Variants in RGS7 observed in about 807,000 individuals in gnomAD.
RGS7 encodes the protein regulator of G-protein signaling 7.
RGS7 carries 27 observed loss-of-function variants against 81.1 expected under a neutral mutation model. The ratio of observed to expected loss-of-function variants is 0.33; its 90% CI spans 0.25 to 0.46. The LOEUF (loss-of-function observed/expected upper bound fraction) is 0.46, where lower values mean the gene tolerates loss of function less well. Ranked by LOEUF, RGS7 falls within the 20% of genes least tolerant of loss-of-function variation. RGS7 has a pLI of 1.00. For synonymous variants in RGS7, 208 were observed against 207.7 expected, an observed-to-expected ratio of 1.00 and a Z score of -0.01; for missense variants, 396 against 607.4, an observed-to-expected ratio of 0.65 and a Z score of 3.66.
rs115628880 is a variant in RGS7 at position 241,150,074 on chromosome 1, T to C, written c.79-51312A>G. ...TAAGAATCATACAACCTGTCCTCCCTGTACCTGGGGCATACACAGACCAAG... is the reference window on the plus strand; with the variant it reads ...TAAGAATCATACAACCTGTCCTCCCCGTACCTGGGGCATACACAGACCAAG... On this transcript the variant is annotated intron_variant, in intron 2 of 18. Transcript: ENST00000440928. Among the ~76,000 whole-genome samples, 815 of 152,270 alleles carry C rather than the reference T, an allele frequency of 5.4e-3. 11 individuals carry two copies. Among genetic ancestry groups the C allele is most frequent in the African/African-American group, 0.019 (787 of 41,552 alleles).
At chr1:240,924,396 G>A (rs1373931581) in intron 6 of RGS7, among the ~76,000 whole-genome samples, 2 of 152,142 alleles carry the variant, frequency 1.3e-5, no homozygotes, top group African/African-American at 4.8e-5. Context: ...CTGGAGAAAA[G>A]ACAGGCCTTC....
intron 4 of RGS7, among the ~76,000 whole-genome samples, chr1:240,968,432 G>A (rs1228020844): frequency 6.6e-6 from 1 of 152,108 alleles, no homozygotes; most frequent in Non-Finnish European, 1.5e-5. Context: ...TCAACATGGT[G>A]CGTATAATGT....
At chr1:241,149,394 T>C (rs534297485) in intron 2 of RGS7, among the ~76,000 whole-genome samples, 1 of 152,156 alleles carries the variant, frequency 6.6e-6, no homozygotes, top group Non-Finnish European at 1.5e-5. Flanking sequence ...TGAGCTCAGG[T>C]GATCTACCCA....
chr1:241,176,684 T>A (rs148397189), intron 2 of RGS7, among the ~76,000 whole-genome samples: 86 of 152,230 alleles, frequency 5.6e-4, no homozygotes, highest in African/African-American at 2.0e-3. Flanking sequence ...GTCACCCCCA[T>A]TACAGGAAAT....
intron 9 of RGS7, among the ~76,000 whole-genome samples, chr1:240,832,805 T>C (rs1197943109): frequency 1.3e-5 from 2 of 152,118 alleles, no homozygotes; most frequent in East Asian, 1.9e-4. Context: ...ATAGAGCTGA[T>C]AGCAAGACAT....
chr1:240,917,097 G>T (rs1342153750), intron 6 of RGS7, among the ~76,000 whole-genome samples: 1 of 152,090 alleles, frequency 6.6e-6, no homozygotes. Context: ...AGAAGAGAGT[G>T]GGGTGATAGA....
chr1:241,218,457 C>G (rs2074702762), intron 2 of RGS7, among the ~76,000 whole-genome samples: 1 of 152,160 alleles, frequency 6.6e-6, no homozygotes, highest in Non-Finnish European at 1.5e-5. Context: ...GTGTGTTCAG[C>G]TAAACACTCA....
At chr1:241,016,315 C>G (rs1318591856) in intron 3 of RGS7, among the ~76,000 whole-genome samples, 2 of 152,090 alleles carry the variant, frequency 1.3e-5, no homozygotes, top group Non-Finnish European at 2.9e-5. Flanking sequence ...GTCAAGAGAA[C>G]AAGACCATCC....
At chr1:240,976,745 A>G (rs1485786281) in intron 4 of RGS7, among the ~76,000 whole-genome samples, 2 of 148,222 alleles carry the variant, frequency 1.3e-5, no homozygotes, top group Non-Finnish European at 3.0e-5. Flanking sequence ...CTATCTATCT[A>G]TCTATCTATC....
At chr1:241,232,790 T>C (rs2075739875) in intron 2 of RGS7, among the ~76,000 whole-genome samples, 1 of 152,198 alleles carries the variant, frequency 6.6e-6, no homozygotes, top group South Asian at 2.1e-4. Flanking sequence ...ACACGTAATG[T>C]CTCTCCATTT....
intron 2 of RGS7, among the ~76,000 whole-genome samples, chr1:241,122,344 A>G (rs2066340633): frequency 6.6e-6 from 1 of 152,192 alleles, no homozygotes; most frequent in African/African-American, 2.4e-5. Context: ...ATAAGTTGAA[A>G]ATATTGTAAG....
chr1:240,991,021 T>C (rs565096610), intron 3 of RGS7, among the ~76,000 whole-genome samples: 1 of 152,204 alleles, frequency 6.6e-6, no homozygotes, highest in Non-Finnish European at 1.5e-5. Context: ...ATAACTTGAA[T>C]CTTCAAATCA....
intron 6 of RGS7, among the ~76,000 whole-genome samples, chr1:240,895,089 T>A (rs1008985318): frequency 6.6e-6 from 1 of 151,772 alleles, no homozygotes; most frequent in Non-Finnish European, 1.5e-5. Flanking sequence ...GTGTGGCCCT[T>A]CCCCCTCACT....
At position 240,777,870 on chromosome 1, in the gene RGS7, C is replaced by T. The variant is rs1683240770; in HGVS notation, c.*7-1657G>A. On this transcript the variant is annotated intron_variant, in intron 18 of 18. Transcript: ENST00000440928. ...ACCATCACCTTCATGATCTAATGACCTTCCAAAGGCCCTGACTCCTAATAC... is the reference window on the plus strand; with the variant it reads ...ACCATCACCTTCATGATCTAATGACTTTCCAAAGGCCCTGACTCCTAATAC... Among the ~76,000 whole-genome samples the T allele has an allele frequency of 5.4e-5, 8 of 148,704 alleles. No individual in the cohort carries two copies. The South Asian group carries it at 1.7e-3, about 32-fold the overall frequency.
intron 2 of RGS7, among the ~76,000 whole-genome samples, chr1:241,289,616 G>A (rs916455505): frequency 9.9e-5 from 15 of 152,114 alleles, no homozygotes; most frequent in African/African-American, 3.6e-4. Context: ...TAACGAAAAG[G>A]TACACTTGGT....
intron 3 of RGS7, among the ~76,000 whole-genome samples, chr1:241,054,969 CCA>C (rs145296401): frequency 6.6e-5 from 10 of 152,130 alleles, no homozygotes; most frequent in African/African-American, 2.4e-4. Context: ...CTGAAAGACC[CCA>C]GTCTAGTAAA....
At chr1:240,801,972 G>A (rs1553306709) in intron 16 of RGS7, among the ~76,000 whole-genome samples, 1 of 152,108 alleles carries the variant, frequency 6.6e-6, no homozygotes, top group Non-Finnish European at 1.5e-5. Flanking sequence ...CAATACAGAA[G>A]CCCCTAGCTG....
chr1:241,015,496 T>C (rs992100919), intron 3 of RGS7, among the ~76,000 whole-genome samples: 2 of 152,218 alleles, frequency 1.3e-5, no homozygotes, highest in African/African-American at 4.8e-5. Flanking sequence ...TTGACCATTA[T>C]AGCTTCATTT....
At chr1:241,083,623 A>G (rs1231774597) in intron 3 of RGS7, among the ~76,000 whole-genome samples, 1 of 152,210 alleles carries the variant, frequency 6.6e-6, no homozygotes, top group African/African-American at 2.4e-5. Context: ...TTGCGGATCT[A>G]GTTAACATTT....
Sources: gnomAD v4.1 joint callset for allele counts (sites outside exome capture counted in the v4.1 genomes callset) on GRCh38, gnomAD v4.1.1 for gene constraint, MANE v1.5 for transcripts, NCBI Gene and HGNC (gene_info 2026-07-23, HGNC 2026-07-21) for gene names.